PPP1R14C: variants seen among roughly 807,000 people sequenced by gnomAD.
PPP1R14C encodes protein phosphatase 1 regulatory inhibitor subunit 14C.
A neutral mutation model predicts 20.4 loss-of-function variants in PPP1R14C; 16 were observed. That is an observed-to-expected ratio of 0.78 (90% CI 0.53 to 1.19). PPP1R14C has a LOEUF of 1.19. Ranked by LOEUF, PPP1R14C falls within the 50% of genes most tolerant of loss-of-function variation. The probability of loss-of-function intolerance (pLI) is 0.00; values close to 1 mark genes in which losing one functional copy is unlikely to be tolerated. For missense variants in PPP1R14C, 211 were observed against 220.1 expected, an observed-to-expected ratio of 0.96 and a Z score of 0.26; for synonymous variants, 91 against 91.0, an observed-to-expected ratio of 1.00 and a Z score of 0.00.
intron 1 of PPP1R14C, among the ~76,000 whole-genome samples, chr6:150,204,967 A>G (rs564813009): frequency 1.3e-5 from 2 of 151,062 alleles, no homozygotes; most frequent in African/African-American, 4.8e-5. Flanking sequence ...GGCTGGGCAT[A>G]GAACACAACC....
At chr6:150,181,493 A>G (rs1349019802) in intron 1 of PPP1R14C, among the ~76,000 whole-genome samples, 1 of 152,192 alleles carries the variant, frequency 6.6e-6, no homozygotes, top group Non-Finnish European at 1.5e-5. Context: ...ATATTTAATT[A>G]TTAGCTATCA....
At chr6:150,170,378 A>C (rs1777483341) in intron 1 of PPP1R14C, among the ~76,000 whole-genome samples, 1 of 149,390 alleles carries the variant, frequency 6.7e-6, no homozygotes. Flanking sequence ...GCTGGAGTGC[A>C]GTGGCGCGAT....
At chr6:150,159,772 A>G (rs1180211335) in intron 1 of PPP1R14C, among the ~76,000 whole-genome samples, 3 of 152,198 alleles carry the variant, frequency 2.0e-5, no homozygotes, top group Non-Finnish European at 4.4e-5. Context: ...ACAATGAATG[A>G]ACCAATATTG....
intron 3 of PPP1R14C, among the ~76,000 whole-genome samples, chr6:150,239,895 A>G (rs1479407651): frequency 1.3e-5 from 2 of 152,130 alleles, no homozygotes; most frequent in Non-Finnish European, 1.5e-5. Flanking sequence ...TCTACAAAAA[A>G]TATAAAAAAT....
chr6:150,206,461 G>A (rs1562269375), intron 1 of PPP1R14C, among the ~76,000 whole-genome samples: 1 of 152,182 alleles, frequency 6.6e-6, no homozygotes, highest in African/African-American at 2.4e-5. Context: ...AGATCCTGAT[G>A]TAGATGTGCC....
At chr6:150,146,810 T>C (rs1777184909) in intron 1 of PPP1R14C, among the ~76,000 whole-genome samples, 2 of 152,152 alleles carry the variant, frequency 1.3e-5, no homozygotes, top group South Asian at 2.1e-4. Context: ...TGGTTCTGGA[T>C]AGATGTGTCC....
intron 1 of PPP1R14C, among the ~76,000 whole-genome samples, chr6:150,202,133 C>T (rs898188610): frequency 5.3e-5 from 8 of 152,170 alleles, no homozygotes; most frequent in African/African-American, 1.4e-4. Flanking sequence ...GCTCCTCTCT[C>T]GCCTCTCTGC....
At chr6:150,145,165 TA>T (rs1777168393) in intron 1 of PPP1R14C, among the ~76,000 whole-genome samples, 1 of 152,188 alleles carries the variant, frequency 6.6e-6, no homozygotes, top group Non-Finnish European at 1.5e-5. Context: ...ACAATATATT[TA>T]AAAAATACTT....
intron 1 of PPP1R14C, among the ~76,000 whole-genome samples, chr6:150,208,308 C>A (rs1464770458): frequency 6.6e-6 from 1 of 152,122 alleles, no homozygotes; most frequent in East Asian, 1.9e-4. Flanking sequence ...TATAGGGAAA[C>A]CCACTGACAT....
intron 1 of PPP1R14C, among the ~76,000 whole-genome samples, chr6:150,188,968 C>A (rs1381122772): frequency 6.6e-6 from 1 of 151,996 alleles, no homozygotes; most frequent in Non-Finnish European, 1.5e-5. Context: ...AAGCAGTTCT[C>A]CTGCCTCAGC....
chr6:150,217,399 T>C (rs1419239311), intron 3 of PPP1R14C, among the ~76,000 whole-genome samples: 1 of 152,148 alleles, frequency 6.6e-6, no homozygotes, highest in Non-Finnish European at 1.5e-5. Flanking sequence ...TTTCACCATG[T>C]TGGCCAGGCT....
At chr6:150,193,583 G>A (rs779394155) in intron 1 of PPP1R14C, among the ~76,000 whole-genome samples, 4 of 149,172 alleles carry the variant, frequency 2.7e-5, no homozygotes, top group Non-Finnish European at 5.9e-5. Context: ...AGTAAATGCT[G>A]AAGTCCTCGA....
At chr6:150,236,469 G>T (rs903910651) in intron 3 of PPP1R14C, among the ~76,000 whole-genome samples, 2 of 152,172 alleles carry the variant, frequency 1.3e-5, no homozygotes, top group East Asian at 3.9e-4. Context: ...AGGGGCCCAG[G>T]AGTTTACTGA....
intron 1 of PPP1R14C, among the ~76,000 whole-genome samples, chr6:150,172,227 T>C (rs1318095328): frequency 6.6e-6 from 1 of 152,234 alleles, no homozygotes; most frequent in African/African-American, 2.4e-5. Context: ...GGGTTATAGA[T>C]AATCTCTCTA....
chr6:150,166,036 C>G (rs561159330), intron 1 of PPP1R14C, among the ~76,000 whole-genome samples: 1 of 151,790 alleles, frequency 6.6e-6, no homozygotes, highest in Non-Finnish European at 1.5e-5. Context: ...GGGCCACGTG[C>G]CATATACCAT....
chr6:150,177,863 C>T (rs1431353604), intron 1 of PPP1R14C, among the ~76,000 whole-genome samples: 1 of 152,202 alleles, frequency 6.6e-6, no homozygotes, highest in Non-Finnish European at 1.5e-5. Flanking sequence ...GGGACAGACT[C>T]ATCTCCTGAG....
chr6:150,212,548 T>C (rs1778038957), intron 1 of PPP1R14C, among the ~76,000 whole-genome samples: 1 of 152,228 alleles, frequency 6.6e-6, no homozygotes, highest in South Asian at 2.1e-4. Flanking sequence ...GCTGTGCTGT[T>C]CTGCGGAGGG....
intron 3 of PPP1R14C, among the ~76,000 whole-genome samples, chr6:150,218,110 GA>G (rs34226009): frequency 0.024 from 3,585 of 151,398 alleles, 59 homozygotes; most frequent in Middle Eastern, 0.054. Flanking sequence ...CGTCTTTTAA[GA>G]AAAAAAAATT....
chr6:150,144,116 T>G (rs913230547), intron 1 of PPP1R14C, among the ~76,000 whole-genome samples: 7 of 152,374 alleles, frequency 4.6e-5, no homozygotes, highest in African/African-American at 7.2e-5. Context: ...GCACACGTTG[T>G]GCTTTGTTGA....
Sources: gnomAD v4.1 joint callset for allele counts (sites outside exome capture counted in the v4.1 genomes callset) on GRCh38, gnomAD v4.1.1 for gene constraint, MANE v1.5 for transcripts, NCBI Gene and HGNC (gene_info 2026-07-23, HGNC 2026-07-21) for gene names.